Variants in CASQ2 observed in about 807,000 individuals in gnomAD.
CASQ2 encodes calsequestrin-2.
Under a neutral mutation model 46.5 loss-of-function variants are expected in CASQ2, and 49 were observed. That is an observed-to-expected ratio of 1.05 (90% CI 0.84 to 1.34). CASQ2 has a LOEUF of 1.34. Ranked by LOEUF, CASQ2 falls within the 40% of genes most tolerant of loss-of-function variation. The pLI is 0.00. For synonymous variants in CASQ2, 174 were observed against 168.5 expected (o/e 1.03, Z -0.25); for missense variants, 486 against 481.3 (o/e 1.01, Z -0.09).
In CASQ2 at chr1:115,751,924, A is replaced by G. The variant is rs180826136; in HGVS notation, c.235-7012T>C. Among the ~76,000 whole-genome samples the G allele has an allele frequency of 5.3e-4, 80 of 152,122 alleles. 1 individual carries two copies. Among genetic ancestry groups the G allele is most frequent in the African/African-American group, 1.8e-3 (76 of 41,464 alleles). On this transcript the variant is annotated intron_variant, in intron 1 of 10. Coordinates refer to ENST00000261448, the MANE Select transcript of CASQ2 (RefSeq NM_001232.4). ...GTCACTCTATTTCTTACTTAATACA[A>G]TTGTCTTCAGCTCCGCAAAACATCA...
At chr1:115,741,873 G>A (rs1481557731) in intron 2 of CASQ2, among the ~76,000 whole-genome samples, 1 of 152,192 alleles carries the variant, frequency 6.6e-6, no homozygotes, top group African/African-American at 2.4e-5. Flanking sequence ...TCTGTTAGCT[G>A]GAGAAAGTTT....
At chr1:115,720,627 A>C (rs1557790554) in intron 7 of CASQ2, among the ~76,000 whole-genome samples, 1 of 152,250 alleles carries the variant, frequency 6.6e-6, no homozygotes, top group Non-Finnish European at 1.5e-5. Flanking sequence ...AGAGACCTGT[A>C]TATAAAGTAA....
At chr1:115,704,600 T>G (rs926381204) in intron 9 of CASQ2, among the ~76,000 whole-genome samples, 16 of 152,172 alleles carry the variant, frequency 1.1e-4, no homozygotes, top group Non-Finnish European at 1.9e-4. Flanking sequence ...AGTGTACAAA[T>G]GCTGTTTATT....
intron 5 of CASQ2, among the ~76,000 whole-genome samples, chr1:115,730,003 C>T (rs765054115): frequency 2.6e-5 from 4 of 152,150 alleles, no homozygotes; most frequent in Admixed American, 6.5e-5. Flanking sequence ...TGGAACCATC[C>T]TTGGCCCTCT....
chr1:115,754,175 C>A (rs145363684), intron 1 of CASQ2, among the ~76,000 whole-genome samples: 3 of 152,176 alleles, frequency 2.0e-5, no homozygotes, highest in Admixed American at 6.5e-5. Flanking sequence ...CTATGTATAG[C>A]TGGGCAGTTG....
chr1:115,763,647 T>C (rs1159172183), intron 1 of CASQ2, among the ~76,000 whole-genome samples: 2 of 152,234 alleles, frequency 1.3e-5, no homozygotes, highest in Non-Finnish European at 2.9e-5. Context: ...ATGCTCTTGC[T>C]GGGCAGCCTC....
intron 7 of CASQ2, among the ~76,000 whole-genome samples, chr1:115,722,744 G>T (rs1296257922): frequency 6.6e-6 from 1 of 152,084 alleles, no homozygotes; most frequent in Non-Finnish European, 1.5e-5. Context: ...CCAAATTAAA[G>T]GTGACTAAGG....
chr1:115,717,818 G>T, intron 8 of CASQ2, 22 bp downstream of exon 8: 1 of 1,566,014 alleles, frequency 6.4e-7, no homozygotes, highest in Non-Finnish European at 8.8e-7. Flanking sequence ...AGCTGTAAAA[G>T]AGCAGGTTGA....
Position 115,741,824 on chromosome 1 carries a change from A to G in CASQ2, c.320-996T>C, listed in dbSNP as rs970308734. ...ATAAACAAAGCTGGCATTTAGTCCA[A>G]TTGCCTGGCATCCTTAATTCCTTAG... On this transcript the variant is annotated intron_variant, in intron 2 of 10. Coordinates refer to ENST00000261448, the MANE Select transcript of CASQ2 (RefSeq NM_001232.4). 9.9e-5 allele frequency among the ~76,000 whole-genome samples: 15 copies of G among 152,194 alleles called. No individual in the cohort carries two copies. In the South Asian group the frequency reaches 1.7e-3, roughly 17 times the overall value.
chr1:115,737,408 T>C (rs1057444010), intron 4 of CASQ2, among the ~76,000 whole-genome samples: 1 of 152,200 alleles, frequency 6.6e-6, no homozygotes, highest in Non-Finnish European at 1.5e-5. Context: ...GAAATAGTCA[T>C]AAGCAGCCCA....
At chr1:115,709,317 T>C (rs1483589906) in intron 8 of CASQ2, among the ~76,000 whole-genome samples, 1 of 152,260 alleles carries the variant, frequency 6.6e-6, no homozygotes, top group Non-Finnish European at 1.5e-5. Context: ...CATTTCACTT[T>C]AGTAATTCAA....
intron 8 of CASQ2, among the ~76,000 whole-genome samples, chr1:115,713,864 G>C (rs116018051): frequency 6.6e-6 from 1 of 152,078 alleles, no homozygotes; most frequent in African/African-American, 2.4e-5. Context: ...ATCTAAGCTC[G>C]ATTTCCCACT....
rs2101052227 is a variant in CASQ2, at chr1:115,701,313, A to T, written c.1128T>A (p.Asp376Glu). The stretch of plus-strand genomic sequence containing the variant: ...AATTATCATCATCATCATCATCTTC[A>T]TCATCATCTTCAGTGTTTATCTTTC... Reference protein sequence around the residue: ...LSGKINTEDDDEDDDDDDNSD... With the variant: ...LSGKINTEDDEEDDDDDDNSD... The change falls in exon 11 of 11, where the codon GAT becomes GAA. Residue 376 changes from aspartate (D) to glutamate (E), a missense_variant. Asp to Glu is a conservative substitution (Grantham distance 45). Transcript: ENST00000261448. 6.2e-7 allele frequency: 1 copy of T among 1,603,742 alleles called. No individual in the cohort carries two copies. Among genetic ancestry groups the T allele is most frequent in the Non-Finnish European group, 8.5e-7 (1 of 1,170,688 alleles).
chr1:115,713,381 C>T (rs1272867591), intron 8 of CASQ2, among the ~76,000 whole-genome samples: 1 of 152,162 alleles, frequency 6.6e-6, no homozygotes, highest in Non-Finnish European at 1.5e-5. Context: ...CCAGGCCTGC[C>T]TAAGGGCATG....
At chr1:115,720,286 C>T (rs1056625369) in intron 7 of CASQ2, among the ~76,000 whole-genome samples, 1 of 152,092 alleles carries the variant, frequency 6.6e-6, no homozygotes, top group African/African-American at 2.4e-5. Flanking sequence ...CTTTCTGGCT[C>T]AGAAGCAGTG....
chr1:115,755,785 C>T (rs1021904514), intron 1 of CASQ2, among the ~76,000 whole-genome samples: 7 of 152,180 alleles, frequency 4.6e-5, no homozygotes. Flanking sequence ...CTTCTTAAAA[C>T]CTCTATGAGG....
chr1:115,724,171 C>T (rs1333486539), intron 7 of CASQ2, among the ~76,000 whole-genome samples: 1 of 152,188 alleles, frequency 6.6e-6, no homozygotes, highest in African/African-American at 2.4e-5. Flanking sequence ...CAGAGAACAC[C>T]AGGTTTGGCT....
intron 5 of CASQ2, among the ~76,000 whole-genome samples, chr1:115,729,872 T>A (rs1336815675): frequency 6.6e-6 from 1 of 152,220 alleles, no homozygotes; most frequent in East Asian, 1.9e-4. Context: ...TCCAGTGTGA[T>A]TTAAAAAAGA....
In CASQ2 at chr1:115,714,627, A is replaced by T. The variant is rs80144819; in HGVS notation, c.838+3213T>A. 1.8e-3 allele frequency among the ~76,000 whole-genome samples: 267 copies of T among 152,358 alleles called. 1 individual carries two copies. Among genetic ancestry groups the T allele is most frequent in the African/African-American group, 6.3e-3 (262 of 41,588 alleles). Reference sequence around the variant, plus strand: ...AAGGAATGCAGAGGGACTGTTTTGCAGGAATGACATTCCTAGTCCTGCAGT... The same window carrying T: ...AAGGAATGCAGAGGGACTGTTTTGCTGGAATGACATTCCTAGTCCTGCAGT... On this transcript the variant is annotated intron_variant, in intron 8 of 10. Transcript: ENST00000261448.
Sources: allele counts gnomAD v4.1 joint callset (sites outside exome capture counted in the v4.1 genomes callset), GRCh38; gene constraint gnomAD v4.1.1; transcripts MANE v1.5; gene names NCBI Gene and HGNC (gene_info 2026-07-23, HGNC 2026-07-21).